The following UBL7 variants were observed in gnomAD, a reference collection of about 807,000 sequenced individuals.
The protein encoded by UBL7 is ubiquitin like 7, also known as ubiquitin-like protein 7.
UBL7 carries 21 observed loss-of-function variants against 41.7 expected under a neutral mutation model. The observed-to-expected ratio is 0.50, with a 90% CI of 0.36 to 0.73. UBL7 has a LOEUF of 0.73. Among genes scored for constraint, UBL7 ranks in the 30% least tolerant of loss-of-function variants. The pLI is 0.00. For synonymous variants in UBL7, 157 were observed against 186.9 expected (o/e 0.84, Z 1.31); for missense variants, 403 against 478.4 (o/e 0.84, Z 1.47).
intron 9 of UBL7, 146 bp from the exon 10 acceptor site, chr15:74,448,746 A>C: frequency 4.2e-6 from 5 of 1,179,510 alleles, no homozygotes; most frequent in Non-Finnish European, 6.0e-6. Flanking sequence ...CAACCAAACA[A>C]AGGTAACTAG....
At chr15:74,460,521 A>T (rs2061338552) in intron 1 of UBL7, 2 of 415,488 alleles carry the variant, frequency 4.8e-6, no homozygotes, top group South Asian at 4.4e-5. Flanking sequence ...AGATTCAATA[A>T]CCTCAGTCCC....
intron 8 of UBL7, 68 bp downstream of exon 8, chr15:74,449,558 A>C (rs1461897877): frequency 6.2e-7 from 1 of 1,611,288 alleles, no homozygotes; most frequent in African/African-American, 1.3e-5. Context: ...AGGTCCCAGG[A>C]TGCAGCTCAT....
chr15:74,460,953 G>A, intron 1 of UBL7, 84 bp downstream of exon 1: 6 of 1,146,830 alleles, frequency 5.2e-6, no homozygotes, highest in Non-Finnish European at 6.5e-6. Context: ...TAAAGATGAG[G>A]GAAGCAAGAC....
chr15:74,450,399 G>A (rs2061231859), intron 6 of UBL7, among the ~76,000 whole-genome samples: 1 of 151,742 alleles, frequency 6.6e-6, no homozygotes, highest in South Asian at 2.1e-4. Flanking sequence ...ACTACATCAG[G>A]CAACCCTGGA....
Position 74,446,683 on chromosome 15 carries a change from G to A in UBL7, c.1006-456C>T, listed in dbSNP as rs142018613. ...CTTTTTTTAAATGTCTTAAATTTTT[G>A]TGGTATATAGTAGGTATATCTATTT... On this transcript the variant is annotated intron_variant, in intron 10 of 10. Transcript: ENST00000395081. The surrounding 1 kb of genome is among the most constrained non-coding windows in gnomAD (Gnocchi z 4.1). 8.0e-3 allele frequency among the ~76,000 whole-genome samples: 1,215 copies of A among 152,180 alleles called. 8 individuals carry two copies. In the Middle Eastern group the frequency reaches 0.085, roughly 11 times the overall value.
chr15:74,456,639 C>A lies in UBL7; in HGVS notation c.217G>T (p.Asp73Tyr). 6.2e-7 allele frequency: 1 copy of A among 1,614,100 alleles called. No individual in the cohort carries two copies. The highest frequency in any genetic ancestry group is 1.1e-5 in the South Asian group (1 of 91,054). The change falls in exon 3 of 11, where the codon GAC becomes TAC. Residue 73 changes from aspartate (D) to tyrosine (Y), a missense_variant. Physicochemically the swap from Asp to Tyr is radical, Grantham distance 160. Transcript: ENST00000395081. ...LIYCGRKLKD[D>Y]QTLDFYGIQP... is the part of the protein sequence containing the mutation. ...ATGCCATAGAAGTCAAGTGTCTGGTCATCTTTTAGCTTCCGACCACAGTAG... is the reference window on the plus strand; with the variant it reads ...ATGCCATAGAAGTCAAGTGTCTGGTAATCTTTTAGCTTCCGACCACAGTAG...
chr15:74,452,169 C>T, intron 4 of UBL7, 127 bp downstream of exon 4: 1 of 995,316 alleles, frequency 1.0e-6, no homozygotes, highest in Non-Finnish European at 1.5e-6. Flanking sequence ...ACAGACATGG[C>T]AAAAACTCCC....
At chr15:74,458,063 T>C (rs1438230785) in intron 2 of UBL7, among the ~76,000 whole-genome samples, 1 of 152,114 alleles carries the variant, frequency 6.6e-6, no homozygotes, top group Non-Finnish European at 1.5e-5. Flanking sequence ...CTACCTCAAA[T>C]ATACTGAGGA....
intron 3 of UBL7, among the ~76,000 whole-genome samples, chr15:74,454,742 G>A (rs1423471322): frequency 6.6e-6 from 1 of 152,104 alleles, no homozygotes; most frequent in Non-Finnish European, 1.5e-5. Context: ...GGCTGATTTG[G>A]GGAAAAATTT....
At chr15:74,454,434 T>C (rs2061276344) in intron 3 of UBL7, among the ~76,000 whole-genome samples, 1 of 152,136 alleles carries the variant, frequency 6.6e-6, no homozygotes, top group Non-Finnish European at 1.5e-5. Context: ...GTTTCGCTCT[T>C]GTTGCCCAGG....
intron 3 of UBL7, among the ~76,000 whole-genome samples, chr15:74,452,750 T>C (rs1423796212): frequency 6.6e-6 from 1 of 152,214 alleles, no homozygotes; most frequent in Non-Finnish European, 1.5e-5. Flanking sequence ...GTCTCACCTC[T>C]TGCCCAGCCA....
chr15:74,458,777 C>T lies in UBL7; in HGVS notation c.91G>A (p.Gly31Arg), dbSNP rs1307645196. 6.2e-7 allele frequency: 1 copy of T among 1,614,004 alleles called. No individual in the cohort carries two copies. The highest frequency in any genetic ancestry group is 1.1e-5 in the South Asian group (1 of 91,090). Reference protein sequence around the residue: ...SILRLPETELGEYSLGGYSIS... With the variant: ...SILRLPETELREYSLGGYSIS... ...CTATAGCCCCCTAGCGAGTATTCTCCCAGTTCTGTCTCTGGCAACCGAAGA... is the reference window on the plus strand; with the variant it reads ...CTATAGCCCCCTAGCGAGTATTCTCTCAGTTCTGTCTCTGGCAACCGAAGA... Residue 31 changes from glycine to arginine, a missense_variant, in exon 2 of 11, where the codon GGA (glycine) becomes AGA (arginine). Gly to Arg is a moderately radical substitution (Grantham distance 125, BLOSUM62 -2). Coordinates refer to ENST00000395081, the MANE Select transcript of UBL7 (RefSeq NM_032907.5).
chr15:74,450,927 G>A, intron 5 of UBL7, 68 bp from the exon 6 acceptor site: 1 of 1,544,088 alleles, frequency 6.5e-7, no homozygotes. Flanking sequence ...AAGAGGCTTT[G>A]CGTCTCAGAG....
At chr15:74,456,807 C>A in intron 2 of UBL7, 136 bp from the exon 3 acceptor site, 1 of 1,097,368 alleles carries the variant, frequency 9.1e-7, no homozygotes. Flanking sequence ...AATAACTTAA[C>A]AAATACTTTT....
intron 5 of UBL7, among the ~76,000 whole-genome samples, chr15:74,451,150 A>G (rs958590516): frequency 1.3e-5 from 2 of 152,112 alleles, no homozygotes; most frequent in African/African-American, 4.8e-5. Flanking sequence ...TCCCTTACTC[A>G]GGGTGTGCAG....
In UBL7 at chr15:74,448,539, T is replaced by C. The variant is rs185254203; in HGVS notation, c.944A>G (p.Asn315Ser). 374 of 1,614,098 alleles carry C rather than the reference T, an allele frequency of 2.3e-4. 1 individual carries two copies. Among genetic ancestry groups the C allele is most frequent in the Middle Eastern group, 4.9e-4 (3 of 6,062 alleles). Residue 315 changes from asparagine (N) to serine (S), a missense_variant, in exon 10 of 11, where the codon AAT becomes AGT. Coordinates refer to ENST00000395081, the MANE Select transcript of UBL7 (RefSeq NM_032907.5). ...CTGTAGGGCTTGGCTGAAGAGATCA[T>C]TGGTGATGGGCGTCCCTGACTGGAC... is the stretch of plus-strand genomic sequence containing the variant. ...SGVQSGTPIT[N>S]DLFSQALQHA...
chr15:74,447,192 G>C (rs1409777480), intron 10 of UBL7, among the ~76,000 whole-genome samples: 1 of 152,164 alleles, frequency 6.6e-6, no homozygotes, highest in East Asian at 1.9e-4. Flanking sequence ...GGACCACATG[G>C]AACAGTGAAA....
rs753787892 is a variant in UBL7 at position 74,449,275 on chromosome 15, G to A, written c.793C>T (p.Arg265Trp). The A allele has an allele frequency of 5.6e-6, 9 of 1,612,986 alleles. No homozygotes were observed. Among genetic ancestry groups the A allele is most frequent in the Admixed American group, 1.7e-5 (1 of 59,890 alleles). ...SLGYSGAAGP[R>W]PITQSELATA... ...GCCAGCTCACTCTGGGTGATGGGCC[G>A]GGGCCCAGCAGCTCCACTGTACCCC... Residue 265 changes from arginine to tryptophan, a missense_variant, in exon 9 of 11, where the codon CGG (arginine) becomes TGG (tryptophan). Transcript: ENST00000395081.
At chr15:74,455,564 C>CT (rs1282487467) in intron 3 of UBL7, among the ~76,000 whole-genome samples, 2 of 152,144 alleles carry the variant, frequency 1.3e-5, no homozygotes, top group African/African-American at 4.8e-5. Flanking sequence ...AAGTTTCCAG[C>CT]TTTTTTCTAA....
Sources: gnomAD v4.1 joint callset for allele counts (sites outside exome capture counted in the v4.1 genomes callset) on GRCh38, gnomAD v4.1.1 for gene constraint, Gnocchi (gnomAD v3.1) non-coding constraint, MANE v1.5 for transcripts, NCBI Gene and HGNC (gene_info 2026-07-23, HGNC 2026-07-21) for gene names.